NID1: variants seen among roughly 807,000 people sequenced by gnomAD.
The protein encoded by NID1 is nidogen 1, also known as nidogen-1.
Under a neutral mutation model 130.6 loss-of-function variants are expected in NID1, and 76 were observed. That is an observed-to-expected ratio of 0.58 (90% CI 0.48 to 0.70). The LOEUF is 0.70. Ranked by LOEUF, NID1 falls within the 30% of genes least tolerant of loss-of-function variation. NID1 has a pLI of 0.00. For synonymous variants in NID1, 665 were observed against 675.1 expected (o/e 0.98, Z 0.23); for missense variants, 1,517 against 1,664.8 (o/e 0.91, Z 1.54).
At position 236,049,121 on chromosome 1, in the gene NID1, C is replaced by T. The variant is rs147590708; in HGVS notation, c.226-132G>A. ...AATACAACAGAATCTGAGAAAGATACGAGCCTGAACCGCATACCCCAGCAT... is the reference window on the plus strand; with the variant it reads ...AATACAACAGAATCTGAGAAAGATATGAGCCTGAACCGCATACCCCAGCAT... On this transcript the variant is annotated intron_variant, in intron 1 of 19. Coordinates refer to ENST00000264187, the MANE Select transcript of NID1 (RefSeq NM_002508.3). 40 of 939,472 alleles carry T rather than the reference C, an allele frequency of 4.3e-5. 1 individual carries two copies. The highest frequency in any genetic ancestry group is 4.0e-4 in the African/African-American group (24 of 60,332). The allele number at this position is 939,472 out of a possible 1,614,324, so 58.2% of individuals were successfully genotyped here.
rs777270836 is a variant in NID1 at position 236,032,643 on chromosome 1, T to TG, written c.1294dup (p.Gln432ProfsTer23). ...TCCTTTCACCTTGCCATTGACTCGC[T>TG]GGGGGGAACCTGAGCAAGAAAACAA... On this transcript the variant is annotated frameshift_variant, in exon 6 of 20. Transcript: ENST00000264187. LOFTEE classifies it high-confidence loss of function. The TG allele has an allele frequency of 2.5e-6, 4 of 1,614,128 alleles. No homozygotes were observed. The highest frequency in any genetic ancestry group is 2.2e-5 in the East Asian group (1 of 44,876).
chr1:235,998,995 C>T (rs573196515), intron 12 of NID1, among the ~76,000 whole-genome samples: 3 of 152,294 alleles, frequency 2.0e-5, no homozygotes, highest in East Asian at 3.9e-4. Context: ...GGTCTAGCCC[C>T]GCCCTTCTGG....
intron 13 of NID1, among the ~76,000 whole-genome samples, chr1:235,992,004 C>T (rs1037566773): frequency 6.6e-6 from 1 of 152,212 alleles, no homozygotes; most frequent in African/African-American, 2.4e-5. Context: ...ACCTCAACCC[C>T]TCGCCGGGCT....
intron 11 of NID1, among the ~76,000 whole-genome samples, chr1:236,012,714 G>T (rs1018508358): frequency 6.6e-6 from 1 of 152,156 alleles, no homozygotes; most frequent in Non-Finnish European, 1.5e-5. Context: ...ATTATTAACT[G>T]CTAGGCAGAA....
Position 236,042,126 on chromosome 1 carries a change from C to A in NID1, c.919G>T (p.Asp307Tyr). ...DLATTRLGLE[D>Y]VGTTPFSYKA... The stretch of plus-strand genomic sequence containing the variant: ...TAGGAGAAGGGCGTGGTGCCCACAT[C>A]CTCCAGGCCCAGACGAGTGGTCGCC... The change falls in exon 4 of 20, where the codon GAT (aspartate) becomes TAT (tyrosine). Residue 307 changes from aspartate (D) to tyrosine (Y), a missense_variant. Coordinates refer to ENST00000264187, the MANE Select transcript of NID1 (RefSeq NM_002508.3). The A allele has an allele frequency of 6.2e-7, 1 of 1,614,162 alleles. No individual in the cohort carries two copies. Among genetic ancestry groups the A allele is most frequent in the Non-Finnish European group, 8.5e-7 (1 of 1,180,034 alleles).
intron 10 of NID1, among the ~76,000 whole-genome samples, chr1:236,016,804 C>T (rs1036509026): frequency 6.6e-6 from 1 of 151,562 alleles, no homozygotes; most frequent in Non-Finnish European, 1.5e-5. Context: ...ATGTGAACCC[C>T]AAGGCTACTA....
intron 4 of NID1, 66 bp downstream of exon 4, chr1:236,041,844 G>T (rs1572614761): frequency 2.0e-6 from 3 of 1,535,504 alleles, no homozygotes; most frequent in East Asian, 4.5e-5. Context: ...CATCTCCCCA[G>T]CAGTACGCCT....
intron 7 of NID1, among the ~76,000 whole-genome samples, chr1:236,026,404 T>G (rs1658932551): frequency 6.6e-6 from 1 of 152,218 alleles, no homozygotes; most frequent in South Asian, 2.1e-4. Context: ...CAAGTGGTTC[T>G]CTGTAAGTTT....
intron 9 of NID1, among the ~76,000 whole-genome samples, chr1:236,023,636 C>T (rs1658833565): frequency 1.0e-5 from 1 of 96,380 alleles, no homozygotes; most frequent in Admixed American, 1.1e-4. Flanking sequence ...TTACCGCAAA[C>T]AATTTTTTTT....
chr1:235,987,243 G>A (rs1274287576), intron 14 of NID1, among the ~76,000 whole-genome samples: 1 of 152,138 alleles, frequency 6.6e-6, no homozygotes, highest in Non-Finnish European at 1.5e-5. Flanking sequence ...GTGATACATA[G>A]ACAAAACTCC....
chr1:236,014,465 T>C (rs1377297006), intron 10 of NID1, among the ~76,000 whole-genome samples: 3 of 152,094 alleles, frequency 2.0e-5, no homozygotes, highest in South Asian at 4.2e-4. Flanking sequence ...CCAGAGTAAC[T>C]GAACCAGCTG....
At position 236,024,355 on chromosome 1, in the gene NID1, T is replaced by C. The variant is rs1038173577; in HGVS notation, c.1985-142A>G. 5.1e-6 allele frequency: 5 copies of C among 977,962 alleles called. No individual in the cohort carries two copies. In the African/African-American group the frequency reaches 6.5e-5, roughly 13 times the overall value. 60.6% of individuals were successfully genotyped at this position (977,962 alleles called of 1,614,324 possible). On this transcript the variant is annotated intron_variant, in intron 8 of 19. Coordinates refer to ENST00000264187, the MANE Select transcript of NID1 (RefSeq NM_002508.3). ...GTGGAATGGGACACCAGCCAATTCC[T>C]GTGTTGCCCTGGGGCAGGACCAGCA... is the stretch of plus-strand genomic sequence containing the variant.
Position 235,981,713 on chromosome 1 carries a change from AG to A in NID1, c.3124del (p.Leu1042TrpfsTer4). On this transcript the variant is annotated frameshift_variant, in exon 16 of 20. Transcript: ENST00000264187. LOFTEE classifies it high-confidence loss of function. ...GRNIFWTDSNLDRIEVAKLDG... is the reference protein window; with the variant it reads ...GRNIFWTDSNXDRIEVAKLDG... ...CAGCTTCGCCACTTCTATTCGATCC[AG>A]GTTAGAGTCTGTCCAGAAGATGTTG... 6.2e-7 allele frequency: 1 copy of A among 1,614,250 alleles called. No homozygotes were observed. Among genetic ancestry groups the A allele is most frequent in the Non-Finnish European group, 8.5e-7 (1 of 1,180,034 alleles).
At chr1:235,991,943 T>C (rs1657753076) in intron 13 of NID1, among the ~76,000 whole-genome samples, 1 of 152,188 alleles carries the variant, frequency 6.6e-6, no homozygotes, top group African/African-American at 2.4e-5. Flanking sequence ...AACAAAATCA[T>C]GGCCAGGGGC....
chr1:236,064,171 C>T (rs1321557039), intron 1 of NID1, among the ~76,000 whole-genome samples: 1 of 152,186 alleles, frequency 6.6e-6, no homozygotes, highest in African/African-American at 2.4e-5. Context: ...CCAGGCCCGG[C>T]CAGTCACGGG....
intron 1 of NID1, among the ~76,000 whole-genome samples, chr1:236,055,582 G>C (rs751853755): frequency 1.6e-4 from 25 of 151,858 alleles, no homozygotes; most frequent in Admixed American, 7.2e-4. Flanking sequence ...TTGAATCCGG[G>C]GGGTGGAGGT....
intron 7 of NID1, among the ~76,000 whole-genome samples, chr1:236,029,324 C>T (rs1280998065): frequency 6.6e-6 from 1 of 152,112 alleles, no homozygotes; most frequent in South Asian, 2.1e-4. Flanking sequence ...TAATTATGTC[C>T]AGGTTTTACA....
At chr1:235,986,580 T>C (rs1657579462) in intron 14 of NID1, among the ~76,000 whole-genome samples, 2 of 152,114 alleles carry the variant, frequency 1.3e-5, no homozygotes, top group Non-Finnish European at 2.9e-5. Context: ...ACAATTTACA[T>C]TTAAATTGTA....
intron 14 of NID1, among the ~76,000 whole-genome samples, chr1:235,986,980 C>T (rs12566223): frequency 0.18 from 27,561 of 152,186 alleles, 3,331 homozygotes; most frequent in East Asian, 0.63. Context: ...TCAGCAAACA[C>T]GCCCAGAGTC....
Sources: allele counts gnomAD v4.1 joint callset (sites outside exome capture counted in the v4.1 genomes callset), GRCh38; gene constraint gnomAD v4.1.1; transcripts MANE v1.5; gene names NCBI Gene and HGNC (gene_info 2026-07-23, HGNC 2026-07-21).